The following CREB5 variants were observed in gnomAD, a reference collection of about 807,000 sequenced individuals.
The protein encoded by CREB5 is cyclic AMP-responsive element-binding protein 5.
In CREB5, 19 loss-of-function variants were observed where a neutral mutation model predicts 57.1. The observed-to-expected ratio is 0.33, with a 90% CI of 0.23 to 0.49. CREB5 has a LOEUF of 0.49. Among genes scored for constraint, CREB5 ranks in the 20% least tolerant of loss-of-function variants. CREB5 has a pLI of 0.99. For synonymous variants in CREB5, 238 were observed against 238.3 expected (o/e 1.00, Z 0.01); for missense variants, 579 against 671.6 (o/e 0.86, Z 1.52).
chr7:28,642,985 C>CACACATACACACAT (rs1562544740), intron 5 of CREB5, among the ~76,000 whole-genome samples: 1 of 108,584 alleles, frequency 9.2e-6, no homozygotes, highest in African/African-American at 3.5e-5. Context: ...CACACACACA[C>CACACATACACACAT]ATACACACAC....
At chr7:28,358,544 A>G (rs955281450) in intron 1 of CREB5, among the ~76,000 whole-genome samples, 1 of 152,214 alleles carries the variant, frequency 6.6e-6, no homozygotes, top group African/African-American at 2.4e-5. Context: ...TTTTCTTTTT[A>G]GACTTTGCCT....
intron 4 of CREB5, among the ~76,000 whole-genome samples, chr7:28,512,563 A>T (rs145757650): frequency 1.4e-3 from 207 of 149,058 alleles, no homozygotes; most frequent in Middle Eastern, 3.4e-3. Context: ...AGGTGTGTGA[A>T]TTTTCCTTTT....
At chr7:28,402,408 C>T (rs1376365203) in intron 1 of CREB5, among the ~76,000 whole-genome samples, 2 of 152,158 alleles carry the variant, frequency 1.3e-5, no homozygotes, top group African/African-American at 4.8e-5. Flanking sequence ...ATCACGCTAC[C>T]TGACTTCAAG....
intron 5 of CREB5, among the ~76,000 whole-genome samples, chr7:28,631,932 T>A (rs1399601325): frequency 6.6e-6 from 1 of 152,116 alleles, no homozygotes; most frequent in African/African-American, 2.4e-5. Context: ...ATGACAGGCT[T>A]AGGCATGGCG....
intron 7 of CREB5, among the ~76,000 whole-genome samples, chr7:28,775,565 T>TATATATA (rs1232967788): frequency 1.4e-5 from 2 of 144,604 alleles, no homozygotes; most frequent in South Asian, 2.2e-4. Context: ...TATATATATA[T>TATATATA]TAGCGTATTT....
chr7:28,811,380 G>T (rs745858645), intron 9 of CREB5, among the ~76,000 whole-genome samples: 13 of 152,114 alleles, frequency 8.5e-5, no homozygotes, highest in Non-Finnish European at 1.9e-4. Flanking sequence ...CTTTTAGGTA[G>T]AATGTGGTTA....
intron 4 of CREB5, among the ~76,000 whole-genome samples, chr7:28,526,479 T>C (rs1026126770): frequency 5.9e-5 from 9 of 152,256 alleles, no homozygotes; most frequent in Admixed American, 3.9e-4. Flanking sequence ...GGATCCTGCT[T>C]ATACCATCTT....
At chr7:28,681,892 G>T (rs761948547) in intron 5 of CREB5, among the ~76,000 whole-genome samples, 2 of 152,200 alleles carry the variant, frequency 1.3e-5, no homozygotes, top group Non-Finnish European at 2.9e-5. Flanking sequence ...ACAATGACTT[G>T]CACATTTTAA....
Position 28,560,065 on chromosome 7 carries a change from T to C in CREB5, c.292-10300T>C, listed in dbSNP as rs146961115. 2.7e-3 allele frequency among the ~76,000 whole-genome samples: 406 copies of C among 152,344 alleles called. 1 individual carries two copies. Among genetic ancestry groups the C allele is most frequent in the African/African-American group, 9.3e-3 (388 of 41,586 alleles). On this transcript the variant is annotated intron_variant, in intron 4 of 10. Transcript: ENST00000357727. ...GAGCAGGGCTGTAAGATAATATGTA[T>C]GTTACTAAAGCTCTTTTCAAACCAT...
At chr7:28,492,270 G>C (rs1791838327) in intron 2 of CREB5, among the ~76,000 whole-genome samples, 1 of 152,192 alleles carries the variant, frequency 6.6e-6, no homozygotes, top group South Asian at 2.1e-4. Context: ...AAAGTGCTGG[G>C]ATTACAGGCG....
intron 4 of CREB5, among the ~76,000 whole-genome samples, chr7:28,531,583 T>C (rs1412843972): frequency 6.6e-6 from 1 of 152,202 alleles, no homozygotes; most frequent in African/African-American, 2.4e-5. Flanking sequence ...AAGGTCACAT[T>C]CTGAGGTCCT....
intron 9 of CREB5, among the ~76,000 whole-genome samples, chr7:28,813,327 G>T (rs183831031): frequency 3.3e-5 from 5 of 152,330 alleles, no homozygotes; most frequent in African/African-American, 1.2e-4. Context: ...GTGGTACTCA[G>T]TAGAACGTCT....
At chr7:28,716,251 T>C (rs6462101) in intron 5 of CREB5, among the ~76,000 whole-genome samples, 14 of 152,298 alleles carry the variant, frequency 9.2e-5, no homozygotes, top group Admixed American at 3.9e-4. Context: ...TAATGAACAA[T>C]ATTATTTTTC....
intron 1 of CREB5, among the ~76,000 whole-genome samples, chr7:28,428,971 C>T (rs1443256231): frequency 6.6e-6 from 1 of 152,168 alleles, no homozygotes; most frequent in African/African-American, 2.4e-5. Flanking sequence ...CTGAACTTTT[C>T]CTCCAAGGCA....
chr7:28,606,170 A>G (rs1797124712), intron 5 of CREB5, among the ~76,000 whole-genome samples: 2 of 152,302 alleles, frequency 1.3e-5, no homozygotes, highest in East Asian at 3.9e-4. Flanking sequence ...ACCACTTTTC[A>G]CATTTCATAA....
At chr7:28,794,202 T>A (rs1562645498) in intron 7 of CREB5, among the ~76,000 whole-genome samples, 1 of 152,234 alleles carries the variant, frequency 6.6e-6, no homozygotes, top group Non-Finnish European at 1.5e-5. Flanking sequence ...CCAATAGAAC[T>A]TTCTTCTTCG....
intron 1 of CREB5, among the ~76,000 whole-genome samples, chr7:28,393,256 C>A (rs1363054290): frequency 6.6e-6 from 1 of 152,298 alleles, no homozygotes; most frequent in South Asian, 2.1e-4. Flanking sequence ...CAAGAAATTT[C>A]AAATATTTTT....
intron 7 of CREB5, among the ~76,000 whole-genome samples, chr7:28,769,295 T>C (rs140157575): frequency 3.9e-5 from 6 of 152,330 alleles, no homozygotes; most frequent in African/African-American, 1.4e-4. Context: ...AAGGTGACTA[T>C]AATAAACAAC....
intron 1 of CREB5, among the ~76,000 whole-genome samples, chr7:28,370,031 C>A (rs1786676020): frequency 6.6e-6 from 1 of 152,102 alleles, no homozygotes; most frequent in South Asian, 2.1e-4. Context: ...TACTTATCTG[C>A]TCATAGTAAA....
Sources: gnomAD v4.1 joint callset for allele counts (sites outside exome capture counted in the v4.1 genomes callset) on GRCh38, gnomAD v4.1.1 for gene constraint, MANE v1.5 for transcripts, NCBI Gene and HGNC (gene_info 2026-07-23, HGNC 2026-07-21) for gene names.